ARHGAP22: variants seen among roughly 807,000 people sequenced by gnomAD.
ARHGAP22 encodes the protein Rho GTPase activating protein 22, also known as rho GTPase-activating protein 22.
ARHGAP22 carries 48 observed loss-of-function variants against 59.1 expected under a neutral mutation model. That is an observed-to-expected ratio of 0.81 (90% CI 0.64 to 1.03). The LOEUF is 1.03. Among genes scored for constraint, ARHGAP22 ranks in the 50% least tolerant of loss-of-function variants. The pLI is 0.00. For missense variants in ARHGAP22, 1,015 were observed against 958.7 expected, an observed-to-expected ratio of 1.06 and a Z score of -0.78; for synonymous variants, 445 against 416.4, an observed-to-expected ratio of 1.07 and a Z score of -0.84.
chr10:48,586,622 C>T (rs1188404528), intron 1 of ARHGAP22, among the ~76,000 whole-genome samples: 2 of 152,138 alleles, frequency 1.3e-5, no homozygotes, highest in African/African-American at 2.4e-5. Context: ...AACAATTATG[C>T]CAATGTGCCA....
intron 3 of ARHGAP22, among the ~76,000 whole-genome samples, chr10:48,550,935 A>G (rs537485072): frequency 2.2e-4 from 34 of 152,188 alleles, no homozygotes; most frequent in African/African-American, 7.7e-4. Flanking sequence ...GATCTCTCCA[A>G]TCCTTAATTC....
intron 1 of ARHGAP22, among the ~76,000 whole-genome samples, chr10:48,636,509 C>T (rs974025622): frequency 1.3e-5 from 2 of 152,180 alleles, no homozygotes; most frequent in African/African-American, 4.8e-5. Context: ...GAGACCCTGC[C>T]CTGAATCCAT....
Position 48,594,033 on chromosome 10 carries a change from G to C in ARHGAP22, c.34+10730C>G, listed in dbSNP as rs149234315. Among the ~76,000 whole-genome samples, 266 of 152,290 alleles carry C rather than the reference G, an allele frequency of 1.7e-3. 3 individuals are homozygous for C. Among genetic ancestry groups the C allele is most frequent in the Non-Finnish European group, 2.4e-3 (163 of 68,030 alleles). On this transcript the variant is annotated intron_variant, in intron 1 of 9. Transcript: ENST00000249601. ...TAAATGAAAGAGCTCTTTTGGAGTG[G>C]AGCTGGATCCCCTTACAGGAGTTCT...
At chr10:48,480,503 C>A (rs1167156052) in intron 3 of ARHGAP22, among the ~76,000 whole-genome samples, 1 of 152,184 alleles carries the variant, frequency 6.6e-6, no homozygotes, top group African/African-American at 2.4e-5. Context: ...ATACATCCTA[C>A]CCCCCGACAT....
chr10:48,639,939 C>T (rs1011778003), intron 1 of ARHGAP22, among the ~76,000 whole-genome samples: 8 of 151,526 alleles, frequency 5.3e-5, no homozygotes, highest in Non-Finnish European at 1.0e-4. Context: ...AATATGTTTA[C>T]AAAAACTTAA....
chr10:48,537,881 G>C (rs2055528769), intron 3 of ARHGAP22, among the ~76,000 whole-genome samples: 1 of 152,226 alleles, frequency 6.6e-6, no homozygotes, highest in African/African-American at 2.4e-5. Flanking sequence ...CCCGCCAGGA[G>C]TGGACAGCAG....
At chr10:48,447,429 G>A (rs2045470866) in intron 9 of ARHGAP22, among the ~76,000 whole-genome samples, 1 of 152,210 alleles carries the variant, frequency 6.6e-6, no homozygotes, top group Middle Eastern at 3.2e-3. Flanking sequence ...CTGCTCCTCA[G>A]AGCACTGGTA....
intron 2 of ARHGAP22, among the ~76,000 whole-genome samples, chr10:48,576,998 C>T (rs1021579886): frequency 2.7e-5 from 4 of 145,534 alleles, no homozygotes; most frequent in Non-Finnish European, 6.0e-5. Flanking sequence ...AGTGTTTATA[C>T]TCCCATCCTG....
At chr10:48,563,887 T>C (rs2057877228) in intron 2 of ARHGAP22, among the ~76,000 whole-genome samples, 1 of 152,180 alleles carries the variant, frequency 6.6e-6, no homozygotes, top group Admixed American at 6.5e-5. Flanking sequence ...TATAAATAAA[T>C]AAAATATGTT....
chr10:48,477,400 T>C lies in ARHGAP22; in HGVS notation c.451+2236A>G, dbSNP rs78395468. On this transcript the variant is annotated intron_variant, in intron 4 of 9. Coordinates refer to ENST00000249601, the MANE Select transcript of ARHGAP22 (RefSeq NM_021226.4). Reference sequence around the variant, plus strand: ...ACTGTAAGACTGAGTCATAGTTATTTATCCATTGTATTGTTGCTGGGCACT... The same window carrying C: ...ACTGTAAGACTGAGTCATAGTTATTCATCCATTGTATTGTTGCTGGGCACT... Among the ~76,000 whole-genome samples, 1,315 of 152,370 alleles carry C rather than the reference T, an allele frequency of 8.6e-3. 19 individuals are homozygous for C. The highest frequency in any genetic ancestry group is 0.03 in the African/African-American group (1,249 of 41,580).
downstream of ARHGAP22, among the ~76,000 whole-genome samples, chr10:48,441,819 G>A (rs1000955988): frequency 1.3e-5 from 2 of 152,164 alleles, no homozygotes; most frequent in Admixed American, 1.3e-4. Flanking sequence ...GCGGGTCCAG[G>A]TGAGTTTTGT....
At chr10:48,498,017 T>G (rs539730947) in intron 3 of ARHGAP22, among the ~76,000 whole-genome samples, 1 of 152,100 alleles carries the variant, frequency 6.6e-6, no homozygotes, top group East Asian at 1.9e-4. Flanking sequence ...CCTCTGTCTA[T>G]CCCTTAGAGT....
intron 3 of ARHGAP22, among the ~76,000 whole-genome samples, chr10:48,531,963 GTC>G (rs1362319901): frequency 1.3e-5 from 2 of 152,194 alleles, no homozygotes; most frequent in Non-Finnish European, 2.9e-5. Context: ...TCAGAATAAT[GTC>G]TGTCTCCTGC....
chr10:48,432,970 A>G, the ARHGAP22 span, among the ~76,000 whole-genome samples: 4 of 152,348 alleles, frequency 2.6e-5, no homozygotes, highest in South Asian at 8.3e-4. Flanking sequence ...AGATAACCAC[A>G]GTACCATTTC....
intron 3 of ARHGAP22, among the ~76,000 whole-genome samples, chr10:48,522,165 C>T (rs1023702014): frequency 6.6e-6 from 1 of 152,242 alleles, no homozygotes; most frequent in Non-Finnish European, 1.5e-5. Context: ...TCTCTCCTCC[C>T]TGCCAGACAG....
At chr10:48,646,210 T>C (rs572309782) in intron 1 of ARHGAP22, among the ~76,000 whole-genome samples, 2 of 152,190 alleles carry the variant, frequency 1.3e-5, no homozygotes, top group African/African-American at 4.8e-5. Context: ...TAGAAGTACA[T>C]TTCTTTCTCA....
intron 2 of ARHGAP22, among the ~76,000 whole-genome samples, chr10:48,569,911 G>C (rs1168189063): frequency 2.6e-5 from 4 of 152,158 alleles, no homozygotes; most frequent in Admixed American, 6.5e-5. Context: ...GCAGAATTTT[G>C]CTGTCCATAC....
chr10:48,630,381 C>T lies in ARHGAP22; in HGVS notation c.52+21853G>A, dbSNP rs1454754233. On this transcript the variant is annotated intron_variant, in intron 1 of 9. Transcript: ENST00000435790. ...CTGGGATTACAGGAATGAGCCACCA[C>T]GCCCAGCCCAGAAATGACATCTTAA... 9.2e-5 allele frequency among the ~76,000 whole-genome samples: 14 copies of T among 152,196 alleles called. 1 individual carries two copies. In the South Asian group the frequency reaches 1.4e-3, roughly 16 times the overall value.
intron 1 of ARHGAP22, among the ~76,000 whole-genome samples, chr10:48,602,822 A>G (rs560274719): frequency 3.9e-5 from 6 of 152,352 alleles, no homozygotes; most frequent in African/African-American, 9.6e-5. Flanking sequence ...AAAGAAAAGG[A>G]GAGATGGAGC....
Sources: allele counts gnomAD v4.1 joint callset (sites outside exome capture counted in the v4.1 genomes callset), GRCh38; gene constraint gnomAD v4.1.1; transcripts MANE v1.5; gene names NCBI Gene and HGNC (gene_info 2026-07-23, HGNC 2026-07-21).